The following ENTREP2 variants were observed in gnomAD, a reference collection of about 807,000 sequenced individuals.
ENTREP2 encodes endosomal transmembrane epsin interactor 2, also known as protein ENTREP2.
At chr15:29,548,053 G>C in the ENTREP2 span, among the ~76,000 whole-genome samples, 1 of 152,090 alleles carries the variant, frequency 6.6e-6, no homozygotes, top group South Asian at 2.1e-4. Flanking sequence ...AAGTAGAAGG[G>C]GAGTTATCAG....
the ENTREP2 span, among the ~76,000 whole-genome samples, chr15:29,596,334 A>G: frequency 2.0e-5 from 3 of 152,338 alleles, no homozygotes; most frequent in East Asian, 5.8e-4. Context: ...AGATCCTTCC[A>G]GACTCCTCTC....
At chr15:29,630,575 A>G in the ENTREP2 span, among the ~76,000 whole-genome samples, 1 of 152,154 alleles carries the variant, frequency 6.6e-6, no homozygotes, top group African/African-American at 2.4e-5. Flanking sequence ...TCAGCTTCAC[A>G]AATTTTCTCC....
chr15:29,652,486 C>T, the ENTREP2 span, among the ~76,000 whole-genome samples: 11 of 152,362 alleles, frequency 7.2e-5, no homozygotes, highest in Middle Eastern at 3.4e-3. Flanking sequence ...GGCTGAAACA[C>T]GCCGCTTGCT....
At chr15:29,161,123 C>T in the ENTREP2 span, among the ~76,000 whole-genome samples, 1 of 152,310 alleles carries the variant, frequency 6.6e-6, no homozygotes, top group African/African-American at 2.4e-5. Context: ...GCCATGGGCC[C>T]TGAGCATGCC....
chr15:29,650,620 ATTC>A, the ENTREP2 span, among the ~76,000 whole-genome samples: 1 of 151,970 alleles, frequency 6.6e-6, no homozygotes, highest in African/African-American at 2.4e-5. Context: ...AAAAAAAAAA[ATTC>A]TTGTTACCCT....
the ENTREP2 span, among the ~76,000 whole-genome samples, chr15:29,402,251 A>AATACATATATATATATATAT: frequency 1.8e-5 from 2 of 111,824 alleles, no homozygotes; most frequent in African/African-American, 6.2e-5. Flanking sequence ...ATTATAGAAG[A>AATACATATATATATATATAT]ATATATATAT....
chr15:29,349,475 C>G, the ENTREP2 span, among the ~76,000 whole-genome samples: 4 of 152,134 alleles, frequency 2.6e-5, no homozygotes, highest in Non-Finnish European at 5.9e-5. Context: ...TACTGGCAAA[C>G]TGGAATGTAA....
chr15:29,233,994 T>C, the ENTREP2 span: 27 of 1,495,178 alleles, frequency 1.8e-5, no homozygotes, highest in Non-Finnish European at 2.5e-5. Flanking sequence ...ATAGGAAGAG[T>C]TGAAATATCT....
At chr15:29,166,330 A>G in the ENTREP2 span, among the ~76,000 whole-genome samples, 2 of 152,180 alleles carry the variant, frequency 1.3e-5, no homozygotes, top group Admixed American at 6.5e-5. Context: ...GAGTAATCAG[A>G]CAAGAGAAAG....
At chr15:29,470,797 T>C in the ENTREP2 span, among the ~76,000 whole-genome samples, 1 of 152,228 alleles carries the variant, frequency 6.6e-6, no homozygotes, top group Non-Finnish European at 1.5e-5. Context: ...CAGTTCCTCC[T>C]TGATTCTCTT....
At chr15:29,379,156 C>T in the ENTREP2 span, among the ~76,000 whole-genome samples, 6 of 152,222 alleles carry the variant, frequency 3.9e-5, no homozygotes, top group Non-Finnish European at 8.8e-5. Context: ...AGATGGGCCT[C>T]ATGACAGGCT....
chr15:29,145,663 A>G, the ENTREP2 span, among the ~76,000 whole-genome samples: 2 of 151,120 alleles, frequency 1.3e-5, no homozygotes, highest in African/African-American at 4.9e-5. Context: ...CAAACTAGGA[A>G]TAGAAGGGAA....
chr15:29,586,027 C>T, the ENTREP2 span, among the ~76,000 whole-genome samples: 7 of 152,020 alleles, frequency 4.6e-5, no homozygotes, highest in Admixed American at 4.6e-4. Context: ...CAAATATTGA[C>T]AGCACTATGA....
At chr15:29,321,251 G>A in the ENTREP2 span, among the ~76,000 whole-genome samples, 4 of 152,070 alleles carry the variant, frequency 2.6e-5, no homozygotes, top group South Asian at 2.1e-4. Context: ...AATTACAGTC[G>A]ATTTATCATC....
At chr15:29,212,308 G>A in the ENTREP2 span, among the ~76,000 whole-genome samples, 1 of 152,030 alleles carries the variant, frequency 6.6e-6, no homozygotes, top group Non-Finnish European at 1.5e-5. Context: ...TGTTTCAGTG[G>A]TGTCAGTTGT....
At chr15:29,596,366 C>CT in the ENTREP2 span, among the ~76,000 whole-genome samples, 1 of 152,148 alleles carries the variant, frequency 6.6e-6, no homozygotes, top group Non-Finnish European at 1.5e-5. Context: ...TCTCCCATGC[C>CT]TGCAGTGAGG....
At chr15:29,230,668 G>T in the ENTREP2 span, among the ~76,000 whole-genome samples, 1 of 152,204 alleles carries the variant, frequency 6.6e-6, no homozygotes, top group East Asian at 1.9e-4. Context: ...AGTAGTTTTG[G>T]TAGAGGGAAC....
At chr15:29,206,375 T>C in the ENTREP2 span, among the ~76,000 whole-genome samples, 12 of 152,160 alleles carry the variant, frequency 7.9e-5, no homozygotes, top group South Asian at 1.0e-3. Flanking sequence ...AATTTCAACA[T>C]AGAAATTCGG....
the ENTREP2 span, among the ~76,000 whole-genome samples, chr15:29,534,233 A>AACT: frequency 6.6e-6 from 1 of 151,760 alleles, no homozygotes; most frequent in Admixed American, 6.6e-5. Context: ...TTACAACCCT[A>AACT]ACTACTGGGA....
Sources: gnomAD v4.1 joint callset for allele counts (sites outside exome capture counted in the v4.1 genomes callset) on GRCh38, gnomAD v4.1.1 for gene constraint, MANE v1.5 for transcripts, NCBI Gene and HGNC (gene_info 2026-07-23, HGNC 2026-07-21) for gene names.